MVB12B: variants seen among roughly 807,000 people sequenced by gnomAD.
MVB12B encodes ESCRT-I complex subunit MVB12B.
In MVB12B, 16 loss-of-function variants were observed where a neutral mutation model predicts 41.6. The observed-to-expected ratio is 0.38, with a 90% CI of 0.26 to 0.58. The LOEUF (loss-of-function observed/expected upper bound fraction) is 0.58, where lower values mean the gene tolerates loss of function less well. Among genes scored for constraint, MVB12B ranks in the 20% least tolerant of loss-of-function variants. The pLI is 0.62. For synonymous variants in MVB12B, 133 were observed against 139.7 expected (o/e 0.95, Z 0.34); for missense variants, 274 against 380.2 (o/e 0.72, Z 2.32).
rs191202851 is a variant in MVB12B at position 126,333,331 on chromosome 9, C to T, written c.81+6321C>T. Among the ~76,000 whole-genome samples, 135 of 152,140 alleles carry T rather than the reference C, an allele frequency of 8.9e-4. 1 individual carries two copies. The East Asian group carries it at 0.013, about 14-fold the overall frequency. ...CGAACTCCTGACCTTGTGATCTGTC[C>T]GCCTCGGACTCCCAAGGTGCTGGGA... On this transcript the variant is annotated intron_variant, in intron 1 of 9. Transcript: ENST00000361171. This position sits in a 1 kb window ranked among gnomAD's most constrained non-coding sequence, Gnocchi z 4.7.
intron 7 of MVB12B, among the ~76,000 whole-genome samples, chr9:126,424,724 C>G (rs1194573313): frequency 6.6e-6 from 1 of 152,262 alleles, no homozygotes; most frequent in Non-Finnish European, 1.5e-5. Context: ...GTGAGGAGCT[C>G]TAACTCAGTG....
intron 7 of MVB12B, among the ~76,000 whole-genome samples, chr9:126,433,819 A>G (rs899866926): frequency 2.6e-5 from 4 of 152,046 alleles, no homozygotes; most frequent in African/African-American, 9.7e-5. Context: ...GCCTGCTTCC[A>G]GCCCCCTGAG....
chr9:126,501,504 C>T (rs1262267468), intron 9 of MVB12B, among the ~76,000 whole-genome samples: 1 of 152,244 alleles, frequency 6.6e-6, no homozygotes, highest in Non-Finnish European at 1.5e-5. Context: ...CAGAGCCAGC[C>T]TCAGCCCCAG....
chr9:126,396,298 T>C, intron 6 of MVB12B: 1 of 985,630 alleles, frequency 1.0e-6, no homozygotes, highest in Admixed American at 6.1e-5. Context: ...TCTCTACACT[T>C]TCTGCAAAAA....
At chr9:126,356,896 A>G (rs1448236545) in intron 2 of MVB12B, among the ~76,000 whole-genome samples, 3 of 151,976 alleles carry the variant, frequency 2.0e-5, no homozygotes, top group African/African-American at 4.8e-5. Flanking sequence ...AAGGCCCCCC[A>G]GAAGCCAAGC....
Position 126,340,621 on chromosome 9 carries a change from C to T in MVB12B, c.195C>T (p.Gly65=). The T allele has an allele frequency of 1.2e-6, 2 of 1,614,088 alleles. No homozygotes were observed. The highest frequency in any genetic ancestry group is 2.2e-5 in the South Asian group (2 of 91,078). The stretch of plus-strand genomic sequence containing the variant: ...CTTCTCGGAACCGAGCCCCGACAGG[C>T]TATGACGTAGTAAGTCAAGATACTA... ...VVASRNRAPT[G]YDVVAQTADG... is the part of the protein sequence containing the mutation. Residue 65 remains glycine, a synonymous_variant, in exon 2 of 10, where the codon GGC becomes GGT. Transcript: ENST00000361171. The surrounding 1 kb of genome is among the most constrained non-coding windows in gnomAD (Gnocchi z 4.0).
intron 2 of MVB12B, among the ~76,000 whole-genome samples, chr9:126,373,896 A>G (rs1830410549): frequency 6.6e-6 from 1 of 152,202 alleles, no homozygotes; most frequent in Non-Finnish European, 1.5e-5. Flanking sequence ...CATAATCTCA[A>G]CTGTGCAGAG....
At chr9:126,435,321 T>C (rs1277306508) in intron 7 of MVB12B, among the ~76,000 whole-genome samples, 3 of 152,142 alleles carry the variant, frequency 2.0e-5, no homozygotes, top group African/African-American at 7.2e-5. Context: ...AGGGTGCAGC[T>C]GACAGAGGGA....
chr9:126,362,411 A>T (rs542239268), intron 2 of MVB12B, among the ~76,000 whole-genome samples: 3 of 152,296 alleles, frequency 2.0e-5, no homozygotes, highest in Non-Finnish European at 4.4e-5. Flanking sequence ...CTAATAGTAA[A>T]ATAAAATAAT....
chr9:126,365,317 G>A (rs9802946), intron 2 of MVB12B, among the ~76,000 whole-genome samples: 1,341 of 130,940 alleles, frequency 0.01, 35 homozygotes, highest in East Asian at 0.063. Context: ...TATCCACCTC[G>A]GCCTCCCAAA....
chr9:126,424,294 G>T (rs1832108016), intron 7 of MVB12B, among the ~76,000 whole-genome samples: 1 of 152,186 alleles, frequency 6.6e-6, no homozygotes, highest in South Asian at 2.1e-4. Context: ...CACTAAGACA[G>T]TTGGCTCCCA....
chr9:126,467,294 A>C (rs1833220185), intron 7 of MVB12B, among the ~76,000 whole-genome samples: 1 of 152,054 alleles, frequency 6.6e-6, no homozygotes, highest in Non-Finnish European at 1.5e-5. Flanking sequence ...AAGATCTGTT[A>C]TGCATTTTGG....
intron 3 of MVB12B, among the ~76,000 whole-genome samples, chr9:126,383,327 A>G (rs765986701): frequency 2.0e-4 from 31 of 152,190 alleles, no homozygotes; most frequent in Admixed American, 1.8e-3. Flanking sequence ...CTTTCCCCCA[A>G]TAATGCTATT....
chr9:126,376,759 C>G lies in MVB12B; in HGVS notation c.205-4305C>G. 8.2e-7 allele frequency: 1 copy of G among 1,222,174 alleles called. No individual in the cohort carries two copies. Among genetic ancestry groups the G allele is most frequent in the Non-Finnish European group, 1.1e-6 (1 of 951,106 alleles). The allele number at this position is 1,222,174 out of a possible 1,614,324, so 75.7% of individuals were successfully genotyped here. A position where few individuals can be genotyped will look rare whatever the true frequency, so the allele number is the denominator to read the frequency against. ...TCCTCCTGACCTCCAGCCTCCTTCC[C>G]CACCTGCCGGGCTTGTAGAGTCCTG... On this transcript the variant is annotated intron_variant, in intron 2 of 9. Coordinates refer to ENST00000361171, the MANE Select transcript of MVB12B (RefSeq NM_033446.3). This position sits in a 1 kb window ranked among gnomAD's most constrained non-coding sequence, Gnocchi z 4.1.
chr9:126,425,639 C>T (rs1017402957), intron 7 of MVB12B, among the ~76,000 whole-genome samples: 5 of 152,224 alleles, frequency 3.3e-5, no homozygotes, highest in African/African-American at 1.2e-4. Context: ...ATGCAGTCCC[C>T]TGAAATCACC....
At chr9:126,464,662 C>T (rs182076352) in intron 7 of MVB12B, among the ~76,000 whole-genome samples, 118 of 152,332 alleles carry the variant, frequency 7.7e-4, no homozygotes, top group African/African-American at 2.3e-3. Flanking sequence ...AGCTTGCCTT[C>T]ACTTTCACAC....
intron 7 of MVB12B, among the ~76,000 whole-genome samples, chr9:126,429,199 C>A (rs1832264780): frequency 6.6e-6 from 1 of 152,178 alleles, no homozygotes; most frequent in Non-Finnish European, 1.5e-5. Flanking sequence ...TTTTTATCAT[C>A]CCCTATAAGA....
At chr9:126,364,347 C>T (rs374563241) in intron 2 of MVB12B, among the ~76,000 whole-genome samples, 74 of 152,300 alleles carry the variant, frequency 4.9e-4, no homozygotes, top group African/African-American at 1.4e-3. Flanking sequence ...ATCACTTCAA[C>T]TCTTCCTGCC....
chr9:126,401,752 C>A (rs552042640), intron 6 of MVB12B, among the ~76,000 whole-genome samples: 1 of 152,364 alleles, frequency 6.6e-6, no homozygotes, highest in Non-Finnish European at 1.5e-5. Flanking sequence ...TCCGTCCTGG[C>A]CTCTCCAACC....
Sources: allele counts gnomAD v4.1 joint callset (sites outside exome capture counted in the v4.1 genomes callset), GRCh38; gene constraint gnomAD v4.1.1; non-coding constraint Gnocchi (gnomAD v3.1); transcripts MANE v1.5; gene names NCBI Gene and HGNC (gene_info 2026-07-23, HGNC 2026-07-21).